Variants in OBP2B observed in about 807,000 individuals in gnomAD.
OBP2B encodes odorant-binding protein 2b.
A neutral mutation model predicts 21.7 loss-of-function variants in OBP2B; 10 were observed. The observed-to-expected ratio is 0.46, with a 90% CI of 0.28 to 0.78. The LOEUF (loss-of-function observed/expected upper bound fraction) is 0.78, where lower values mean the gene tolerates loss of function less well. OBP2B is among the 30% of genes least tolerant of loss of function. The pLI, the probability that OBP2B is intolerant of heterozygous loss-of-function variation, is 0.11. For missense variants in OBP2B, 153 were observed against 217.7 expected (o/e 0.70, Z 1.87); for synonymous variants, 73 against 91.5 (o/e 0.80, Z 1.16).
chr9:133,206,986 C>G (rs868984603), intron 4 of OBP2B, among the ~76,000 whole-genome samples: 2 of 152,114 alleles, frequency 1.3e-5, no homozygotes, highest in Admixed American at 6.5e-5. Context: ...CTCCTACACC[C>G]GAGACCCCAG....
upstream of OBP2B, among the ~76,000 whole-genome samples, chr9:133,210,468 C>A (rs73562313): frequency 1.2e-3 from 178 of 152,186 alleles, no homozygotes; most frequent in African/African-American, 4.3e-3. Context: ...TCCCCCCGGG[C>A]AGGAAAGAAT....
At chr9:133,207,594 C>T (rs1294640879) in intron 3 of OBP2B, among the ~76,000 whole-genome samples, 1 of 152,108 alleles carries the variant, frequency 6.6e-6, no homozygotes, top group Admixed American at 6.5e-5. Context: ...GCTGCTCCTG[C>T]CCCACTTCCC....
the OBP2B span, among the ~76,000 whole-genome samples, chr9:133,215,905 C>T: frequency 3.3e-5 from 5 of 152,198 alleles, no homozygotes; most frequent in Admixed American, 3.3e-4. Flanking sequence ...AGAAGAACCA[C>T]AACCTTGGTC....
At chr9:133,222,477 C>G in the OBP2B span, among the ~76,000 whole-genome samples, 14 of 152,200 alleles carry the variant, frequency 9.2e-5, no homozygotes, top group Non-Finnish European at 1.5e-4. Flanking sequence ...TCCGTAATCC[C>G]AGCACTTTGG....
intron 5 of OBP2B, 71 bp from the exon 6 acceptor site, chr9:133,206,011 A>G: frequency 1.2e-6 from 2 of 1,610,854 alleles, no homozygotes; most frequent in South Asian, 2.2e-5. Flanking sequence ...ATCGCAGCCC[A>G]GAGCTCAGAG....
intron 3 of OBP2B, among the ~76,000 whole-genome samples, chr9:133,207,557 T>C (rs200777225): frequency 6.6e-6 from 1 of 152,258 alleles, no homozygotes; most frequent in East Asian, 1.9e-4. Flanking sequence ...CGTCCAGGAC[T>C]AGAGTCCGGC....
At chr9:133,217,113 C>G in the OBP2B span, among the ~76,000 whole-genome samples, 1 of 152,156 alleles carries the variant, frequency 6.6e-6, no homozygotes, top group Non-Finnish European at 1.5e-5. Flanking sequence ...AAATTTCCAT[C>G]AAAATAACAA....
At position 133,208,055 on chromosome 9, in the gene OBP2B, C is replaced by T. The variant is rs1833795604; in HGVS notation, c.277+78G>A. 40 of 1,503,016 alleles carry T rather than the reference C, an allele frequency of 2.7e-5. No homozygotes were observed. The East Asian group carries it at 5.2e-4, about 20-fold the overall frequency. 93.1% of individuals were successfully genotyped at this position (1,503,016 alleles called of 1,614,324 possible). ...GGCCCTGGCAAAAGGGCAGCCTGGG[C>T]ACTCTCTACCTGTGGAGGCTGGTGC... is the stretch of plus-strand genomic sequence containing the variant. On this transcript the variant is annotated intron_variant, in intron 3 of 6. Coordinates refer to ENST00000372034, the MANE Select transcript of OBP2B (RefSeq NM_014581.4).
intron 6 of OBP2B, 65 bp from the exon 7 acceptor site, chr9:133,205,476 C>G: frequency 2.0e-6 from 2 of 1,014,386 alleles, no homozygotes; most frequent in Non-Finnish European, 2.9e-6. Context: ...AGGGCCAGAG[C>G]TCCCTCCCCA....
intron 1 of OBP2B, 32 bp from the exon 2 acceptor site, chr9:133,208,634 G>C (rs1833827543): frequency 1.3e-6 from 2 of 1,564,314 alleles, no homozygotes; most frequent in African/African-American, 2.7e-5. Context: ...AGCCCACCAT[G>C]GGTGGCCCAG....
At chr9:133,208,046 C>A in intron 3 of OBP2B, 87 bp downstream of exon 3, 1 of 1,501,374 alleles carries the variant, frequency 6.7e-7, no homozygotes. Context: ...GGCAAAAGGG[C>A]AGCCTGGGCA....
At chr9:133,213,731 A>G (rs1281155618), upstream of OBP2B, among the ~76,000 whole-genome samples, 2 of 152,244 alleles carry the variant, frequency 1.3e-5, no homozygotes, top group Non-Finnish European at 2.9e-5. Context: ...CACAATGCCA[A>G]TATAAGATAG....
chr9:133,217,645 T>TCCCAGC, the OBP2B span, among the ~76,000 whole-genome samples: 1 of 152,182 alleles, frequency 6.6e-6, no homozygotes, highest in Non-Finnish European at 1.5e-5. Context: ...CTTGCAGGCT[T>TCCCAGC]CCCAGCCCCA....
chr9:133,207,670 C>T (rs1440888002), intron 3 of OBP2B, among the ~76,000 whole-genome samples: 1 of 140,066 alleles, frequency 7.1e-6, no homozygotes, highest in African/African-American at 3.0e-5. Flanking sequence ...GCAGCACTAA[C>T]CCTCGGCCTC....
chr9:133,207,957 G>A (rs1833793360), intron 3 of OBP2B, 176 bp downstream of exon 3: 12 of 1,533,122 alleles, frequency 7.8e-6, no homozygotes, highest in African/African-American at 1.4e-5. Context: ...TGTCACACCC[G>A]GTGTCTGATG....
At chr9:133,206,037 C>T (rs1833695982) in intron 5 of OBP2B, 97 bp from the exon 6 acceptor site, 1 of 1,556,114 alleles carries the variant, frequency 6.4e-7, no homozygotes, top group East Asian at 2.2e-5. Context: ...GAGCCCATCG[C>T]AGCCCAGAGC....
At chr9:133,218,463 C>T in the OBP2B span, among the ~76,000 whole-genome samples, 2 of 151,956 alleles carry the variant, frequency 1.3e-5, no homozygotes, top group African/African-American at 2.4e-5. Flanking sequence ...ATTTGGAGGC[C>T]GAATATAGAA....
chr9:133,218,285 C>T, the OBP2B span, among the ~76,000 whole-genome samples: 1 of 152,262 alleles, frequency 6.6e-6, no homozygotes, highest in Admixed American at 6.5e-5. Context: ...TCCAGGGAGA[C>T]CGGCCACACA....
upstream of OBP2B, among the ~76,000 whole-genome samples, chr9:133,212,319 T>G (rs1247008218): frequency 2.0e-5 from 3 of 152,090 alleles, no homozygotes; most frequent in African/African-American, 7.2e-5. Flanking sequence ...ACCCATCAAT[T>G]AACATAATCG....
Sources: allele counts gnomAD v4.1 joint callset (sites outside exome capture counted in the v4.1 genomes callset), GRCh38; gene constraint gnomAD v4.1.1; transcripts MANE v1.5; gene names NCBI Gene and HGNC (gene_info 2026-07-23, HGNC 2026-07-21).